Variants in CDYL2 observed in about 807,000 individuals in gnomAD.
The protein encoded by CDYL2 is chromodomain Y-like protein 2.
In CDYL2, 23 loss-of-function variants were observed where a neutral mutation model predicts 49.4. The ratio of observed to expected loss-of-function variants is 0.47; its 90% confidence interval spans 0.34 to 0.66. The LOEUF is 0.66. Ranked by LOEUF, CDYL2 falls within the 30% of genes least tolerant of loss-of-function variation. CDYL2 has a pLI of 0.01. For missense variants in CDYL2, 678 were observed against 656.4 expected, an observed-to-expected ratio of 1.03 and a Z score of -0.36; for synonymous variants, 360 against 268.8, an observed-to-expected ratio of 1.34 and a Z score of -3.32.
intron 1 of CDYL2, among the ~76,000 whole-genome samples, chr16:80,710,445 A>G (rs1260423869): frequency 1.3e-5 from 2 of 152,226 alleles, no homozygotes; most frequent in Non-Finnish European, 2.9e-5. Context: ...GAATAAGAAA[A>G]CAGAAAGATG....
intron 1 of CDYL2, among the ~76,000 whole-genome samples, chr16:80,713,877 G>T (rs1349530522): frequency 6.6e-6 from 1 of 152,132 alleles, no homozygotes; most frequent in African/African-American, 2.4e-5. Context: ...ACTACATGCA[G>T]GTGTGCCAAC....
chr16:80,802,907 C>T (rs1023556738), intron 1 of CDYL2, among the ~76,000 whole-genome samples: 8 of 152,228 alleles, frequency 5.3e-5, no homozygotes, highest in South Asian at 4.1e-4. Flanking sequence ...TAATTCTACC[C>T]CTTCTGGGTG....
intron 1 of CDYL2, among the ~76,000 whole-genome samples, chr16:80,760,379 T>C (rs928505502): frequency 6.6e-6 from 1 of 151,864 alleles, no homozygotes; most frequent in Non-Finnish European, 1.5e-5. Context: ...AGTTAATGAG[T>C]ACAAAAAAAA....
chr16:80,744,190 T>A (rs1287062894), intron 1 of CDYL2, among the ~76,000 whole-genome samples: 2 of 152,178 alleles, frequency 1.3e-5, no homozygotes, highest in Non-Finnish European at 2.9e-5. Context: ...TGATTCTAAG[T>A]CCAGAGACGC....
At chr16:80,737,861 G>GGTT (rs572427898) in intron 1 of CDYL2, among the ~76,000 whole-genome samples, 297 of 152,208 alleles carry the variant, frequency 2.0e-3, no homozygotes, top group Middle Eastern at 3.4e-3. Flanking sequence ...TTTAGGGACT[G>GGTT]GTTGTTGTTG....
intron 1 of CDYL2, among the ~76,000 whole-genome samples, chr16:80,688,696 T>C (rs1342172486): frequency 6.6e-6 from 1 of 152,194 alleles, no homozygotes; most frequent in Admixed American, 6.5e-5. Flanking sequence ...TAATCTTCTA[T>C]ACATCTTTGT....
rs981875408 is a variant in CDYL2, at chr16:80,624,059, C to T, written c.835-3124G>A. ...GTACTGACTGAAGCAATCCCCCTCA[C>T]ACCCCTGCATACTCCCCGACTCCTT... On this transcript the variant is annotated intron_variant, in intron 3 of 6. Transcript: ENST00000570137. Among the ~76,000 whole-genome samples, 4 of 152,214 alleles carry T rather than the reference C, an allele frequency of 2.6e-5. 1 individual carries two copies. Among genetic ancestry groups the T allele is most frequent in the Admixed American group, 1.3e-4 (2 of 15,286 alleles).
chr16:80,717,051 T>C (rs550400513), intron 1 of CDYL2, among the ~76,000 whole-genome samples: 51 of 143,438 alleles, frequency 3.6e-4, no homozygotes, highest in African/African-American at 1.3e-3. Flanking sequence ...CACGGATGGA[T>C]GGATAGATGG....
At chr16:80,646,930 T>C (rs1457470479) in intron 2 of CDYL2, among the ~76,000 whole-genome samples, 1 of 145,048 alleles carries the variant, frequency 6.9e-6, no homozygotes, top group Non-Finnish European at 1.5e-5. Flanking sequence ...TCCTTGCCAA[T>C]GAATACCAAA....
At chr16:80,721,751 G>A (rs928407755) in intron 1 of CDYL2, among the ~76,000 whole-genome samples, 3 of 152,180 alleles carry the variant, frequency 2.0e-5, no homozygotes, top group African/African-American at 4.8e-5. Context: ...GACTGAAGCT[G>A]AGCAGTGACC....
chr16:80,645,935 T>C (rs1244886424), intron 2 of CDYL2, among the ~76,000 whole-genome samples: 1 of 127,228 alleles, frequency 7.9e-6, no homozygotes. Context: ...AATTGAACAA[T>C]GAGAACACTT....
At chr16:80,781,013 CA>C (rs993036315) in intron 1 of CDYL2, among the ~76,000 whole-genome samples, 4 of 152,142 alleles carry the variant, frequency 2.6e-5, no homozygotes, top group Non-Finnish European at 1.5e-5. Flanking sequence ...TCACTTTGTC[CA>C]AAACACTTCT....
At chr16:80,652,296 A>G (rs975334615) in intron 2 of CDYL2, among the ~76,000 whole-genome samples, 12 of 152,248 alleles carry the variant, frequency 7.9e-5, no homozygotes, top group African/African-American at 2.9e-4. Flanking sequence ...ATCTGCTGCA[A>G]TGATGGGAGT....
intron 2 of CDYL2, among the ~76,000 whole-genome samples, chr16:80,647,414 G>C (rs961961954): frequency 6.6e-6 from 1 of 152,004 alleles, no homozygotes; most frequent in Non-Finnish European, 1.5e-5. Context: ...TAAGCAAAAA[G>C]AACAAAACTG....
chr16:80,723,619 C>G (rs983667771), intron 1 of CDYL2, among the ~76,000 whole-genome samples: 1 of 152,190 alleles, frequency 6.6e-6, no homozygotes, highest in Non-Finnish European at 1.5e-5. Context: ...ATAAAGTCAG[C>G]AAACCATAGC....
intron 1 of CDYL2, among the ~76,000 whole-genome samples, chr16:80,779,408 T>C (rs1031572415): frequency 6.6e-6 from 1 of 152,088 alleles, no homozygotes; most frequent in African/African-American, 2.4e-5. Flanking sequence ...CTGTTATTGC[T>C]AGCAATATCC....
At chr16:80,774,837 G>A (rs759915414) in intron 1 of CDYL2, among the ~76,000 whole-genome samples, 2 of 151,212 alleles carry the variant, frequency 1.3e-5, no homozygotes, top group African/African-American at 4.9e-5. Context: ...AGAGTAGTAA[G>A]ATACATGAAG....
chr16:80,698,221 C>G (rs779409952), intron 1 of CDYL2, among the ~76,000 whole-genome samples: 1 of 152,026 alleles, frequency 6.6e-6, no homozygotes, highest in South Asian at 2.1e-4. Flanking sequence ...GCTAAGACCT[C>G]GAAAGCACAG....
intron 2 of CDYL2, among the ~76,000 whole-genome samples, chr16:80,669,813 C>G (rs1909424700): frequency 6.6e-6 from 1 of 152,192 alleles, no homozygotes; most frequent in Admixed American, 6.5e-5. Context: ...CTGAGTATTT[C>G]TGCACACATG....
Sources: gnomAD v4.1 joint callset for allele counts (sites outside exome capture counted in the v4.1 genomes callset) on GRCh38, gnomAD v4.1.1 for gene constraint, MANE v1.5 for transcripts, NCBI Gene and HGNC (gene_info 2026-07-23, HGNC 2026-07-21) for gene names.